Variants in BMERB1 observed in about 807,000 individuals in gnomAD.
The protein encoded by BMERB1 is bMERB domain-containing protein 1.
In BMERB1, 12 loss-of-function variants were observed where a neutral mutation model predicts 23.6. The ratio of observed to expected loss-of-function variants is 0.51; its 90% CI spans 0.33 to 0.82. BMERB1 has a LOEUF of 0.82. Ranked by LOEUF, BMERB1 falls within the 40% of genes least tolerant of loss-of-function variation. The pLI, the probability that BMERB1 is intolerant of heterozygous loss-of-function variation, is 0.03. For synonymous variants in BMERB1, 122 were observed against 96.6 expected (o/e 1.26, Z -1.54); for missense variants, 247 against 255.4 (o/e 0.97, Z 0.22).
chr16:15,531,016 C>T (rs1013471565), intron 2 of BMERB1, among the ~76,000 whole-genome samples: 9 of 143,286 alleles, frequency 6.3e-5, no homozygotes, highest in Non-Finnish European at 1.4e-4. Context: ...AGCAATTATT[C>T]GCCTCAGCCT....
intron 1 of BMERB1, among the ~76,000 whole-genome samples, chr16:15,439,613 T>G (rs576382366): frequency 2.0e-5 from 3 of 152,316 alleles, no homozygotes; most frequent in African/African-American, 7.2e-5. Context: ...ATCTAGTATT[T>G]TCTCCTTTGA....
At chr16:15,541,800 C>G (rs1395469820) in intron 2 of BMERB1, among the ~76,000 whole-genome samples, 1 of 151,496 alleles carries the variant, frequency 6.6e-6, no homozygotes, top group Non-Finnish European at 1.5e-5. Context: ...GGTGGGGTTT[C>G]ACCATGTTAG....
At chr16:15,436,907 A>G (rs1033139053) in intron 1 of BMERB1, among the ~76,000 whole-genome samples, 1 of 152,174 alleles carries the variant, frequency 6.6e-6, no homozygotes, top group African/African-American at 2.4e-5. Context: ...TAGATTTAAA[A>G]AAACATTTTA....
chr16:15,512,832 T>C (rs979349570), intron 1 of BMERB1, among the ~76,000 whole-genome samples: 9 of 151,838 alleles, frequency 5.9e-5, no homozygotes, highest in Non-Finnish European at 1.0e-4. Flanking sequence ...TGAGCCGATA[T>C]TGTGCCACTG....
intron 1 of BMERB1, among the ~76,000 whole-genome samples, chr16:15,514,044 G>A (rs1386290026): frequency 1.3e-5 from 2 of 152,132 alleles, no homozygotes; most frequent in Non-Finnish European, 2.9e-5. Flanking sequence ...GCCAAGTTGG[G>A]AGGATCGCCT....
intron 3 of BMERB1, among the ~76,000 whole-genome samples, chr16:15,573,302 C>G (rs1043443559): frequency 1.3e-5 from 2 of 152,306 alleles, no homozygotes; most frequent in Admixed American, 1.3e-4. Context: ...CTTATCAAGA[C>G]TGGGGAATTA....
At chr16:15,571,366 T>C (rs1198713475) in intron 3 of BMERB1, among the ~76,000 whole-genome samples, 3 of 151,980 alleles carry the variant, frequency 2.0e-5, no homozygotes, top group African/African-American at 7.3e-5. Flanking sequence ...CTACTTTTTT[T>C]TTTTTTTTTG....
intron 1 of BMERB1, among the ~76,000 whole-genome samples, chr16:15,441,973 G>A (rs945979414): frequency 6.6e-6 from 1 of 152,182 alleles, no homozygotes; most frequent in African/African-American, 2.4e-5. Flanking sequence ...GTTTCCTTGA[G>A]TGTGAAAGGT....
At chr16:15,554,010 A>G (rs2150967200) in intron 2 of BMERB1, among the ~76,000 whole-genome samples, 1 of 152,284 alleles carries the variant, frequency 6.6e-6, no homozygotes, top group East Asian at 1.9e-4. Flanking sequence ...CTAATTGGGC[A>G]GACTCTTCAT....
chr16:15,523,784 T>C (rs111553860), intron 2 of BMERB1, among the ~76,000 whole-genome samples: 2,695 of 152,242 alleles, frequency 0.018, 82 homozygotes, highest in African/African-American at 0.062. Context: ...AATTCCCTTC[T>C]TTCCTTTCAT....
chr16:15,583,026 T>C, intron 4 of BMERB1, 130 bp from the exon 5 acceptor site: 1 of 737,066 alleles, frequency 1.4e-6, no homozygotes, highest in South Asian at 1.5e-5. Context: ...TGTACACGCA[T>C]AACACGTGAC....
intron 2 of BMERB1, among the ~76,000 whole-genome samples, chr16:15,545,097 CGA>C (rs1212519867): frequency 6.6e-6 from 1 of 152,114 alleles, no homozygotes; most frequent in Non-Finnish European, 1.5e-5. Context: ...CTCAGCCTCC[CGA>C]GTAGCTGGGA....
intron 1 of BMERB1, among the ~76,000 whole-genome samples, chr16:15,505,611 C>T (rs1486181802): frequency 6.6e-6 from 1 of 152,134 alleles, no homozygotes; most frequent in Non-Finnish European, 1.5e-5. Context: ...CAATGTCGGC[C>T]AAGCGCAGTG....
rs749025474 is a variant in BMERB1 at position 15,581,352 on chromosome 16, C to G, written c.419+21C>G. On this transcript the variant is annotated intron_variant, in intron 4 of 5. Coordinates refer to ENST00000300006, the MANE Select transcript of BMERB1 (RefSeq NM_033201.3). ...TTAAGGTGAGTGCACTGCGGGTACC[C>G]GATCACTGGGCTGCAGGACAGCAAC... The G allele has an allele frequency of 3.1e-6, 5 of 1,591,284 alleles. No homozygotes were observed. In the Admixed American group the frequency reaches 5.1e-5, roughly 16 times the overall value.
chr16:15,525,234 A>G (rs1191919089), intron 2 of BMERB1, among the ~76,000 whole-genome samples: 3 of 152,270 alleles, frequency 2.0e-5, no homozygotes, highest in African/African-American at 7.2e-5. Flanking sequence ...GGGCTGGGAC[A>G]TGGGTCTTTT....
chr16:15,547,343 CTTT>C (rs749191533), intron 2 of BMERB1, among the ~76,000 whole-genome samples: 8 of 133,980 alleles, frequency 6.0e-5, no homozygotes, highest in African/African-American at 8.0e-5. Context: ...TTTTCTTCTT[CTTT>C]TTTTTTTTTT....
intron 2 of BMERB1, among the ~76,000 whole-genome samples, chr16:15,542,064 C>CTTT (rs1462459265): frequency 2.3e-5 from 3 of 127,848 alleles, no homozygotes; most frequent in African/African-American, 9.1e-5. Context: ...GACCACCTGT[C>CTTT]TTTTTTTTTT....
At chr16:15,583,285 T>C (rs750216837) in intron 5 of BMERB1, 47 bp downstream of exon 5, 5 of 1,466,522 alleles carry the variant, frequency 3.4e-6, no homozygotes, top group South Asian at 2.3e-5. Flanking sequence ...AAGAGAAAAG[T>C]ATATTTCAGG....
chr16:15,455,348 G>T (rs1453501696), intron 1 of BMERB1, among the ~76,000 whole-genome samples: 1 of 150,056 alleles, frequency 6.7e-6, no homozygotes, highest in Non-Finnish European at 1.5e-5. Context: ...GAAAAGAAAA[G>T]AAAATGTCAT....
Sources: gnomAD v4.1 joint callset for allele counts (sites outside exome capture counted in the v4.1 genomes callset) on GRCh38, gnomAD v4.1.1 for gene constraint, MANE v1.5 for transcripts, NCBI Gene and HGNC (gene_info 2026-07-23, HGNC 2026-07-21) for gene names.